SEH1L: variants seen among roughly 807,000 people sequenced by gnomAD.
The protein encoded by SEH1L is nucleoporin SEH1.
SEH1L carries 18 observed loss-of-function variants against 49.5 expected under a neutral mutation model. The ratio of observed to expected loss-of-function variants is 0.36; its 90% CI spans 0.25 to 0.54. The LOEUF (loss-of-function observed/expected upper bound fraction) is 0.54. SEH1L is among the 20% of genes least tolerant of loss of function. The pLI, the probability that SEH1L is intolerant of heterozygous loss-of-function variation, is 0.87. For synonymous variants in SEH1L, 169 were observed against 178.1 expected (o/e 0.95, Z 0.41); for missense variants, 404 against 528.8 (o/e 0.76, Z 2.31).
At chr18:12,948,847 T>C (rs1000683060) in intron 1 of SEH1L, 1 of 150,440 alleles carries the variant, frequency 6.6e-6, no homozygotes, top group South Asian at 2.1e-4. Context: ...GAATTTCTTT[T>C]CTTTTTTTTT....
At chr18:12,975,617 G>A in intron 5 of SEH1L, 1 of 759,732 alleles carries the variant, frequency 1.3e-6, no homozygotes. Flanking sequence ...GGAGGGGCAG[G>A]CCAACAGGCC....
intron 4 of SEH1L, 80 bp from the exon 5 acceptor site, chr18:12,971,073 C>A: frequency 2.1e-6 from 2 of 969,098 alleles, no homozygotes; most frequent in Non-Finnish European, 3.3e-6. Context: ...TGGTTGTCTG[C>A]TTGCCTCCAG....
rs190397220 is a variant in SEH1L, at chr18:12,981,731, G to A, written c.762-787G>A. Among the ~76,000 whole-genome samples the A allele has an allele frequency of 4.5e-3, 686 of 152,012 alleles. 6 individuals carry two copies. Among genetic ancestry groups the A allele is most frequent in the African/African-American group, 0.015 (632 of 41,456 alleles). On this transcript the variant is annotated intron_variant, in intron 6 of 8. Coordinates refer to ENST00000399892, the MANE Select transcript of SEH1L (RefSeq NM_001013437.2). ...AATGACAAGTGGCAGTCTATTTAGG[G>A]AAAACTAAATTAGTATTGAGACAGT...
intron 3 of SEH1L, 102 bp downstream of exon 3, chr18:12,955,711 C>T (rs995591696): frequency 1.7e-6 from 2 of 1,185,332 alleles, no homozygotes; most frequent in Non-Finnish European, 2.4e-6. Context: ...TCACCACTCC[C>T]CTCTAGTTTT....
chr18:12,956,321 C>T lies in SEH1L; in HGVS notation c.309+712C>T, dbSNP rs551818761. On this transcript the variant is annotated intron_variant, in intron 3 of 8. Coordinates refer to ENST00000399892, the MANE Select transcript of SEH1L (RefSeq NM_001013437.2). Reference sequence around the variant, plus strand: ...CCTCCCAAAGTGCTGGGATTACAGGCGTGAGCCACCACGCCTGGCCAAGGG... The same window carrying T: ...CCTCCCAAAGTGCTGGGATTACAGGTGTGAGCCACCACGCCTGGCCAAGGG... 5.9e-5 allele frequency among the ~76,000 whole-genome samples: 9 copies of T among 151,986 alleles called. No homozygotes were observed. In the South Asian group the frequency reaches 1.9e-3, roughly 32 times the overall value.
intron 4 of SEH1L, among the ~76,000 whole-genome samples, chr18:12,967,401 A>T (rs1345572748): frequency 6.6e-6 from 1 of 152,238 alleles, no homozygotes; most frequent in African/African-American, 2.4e-5. Context: ...TATGTTTAGG[A>T]ACACCAGACA....
chr18:12,970,999 T>C (rs1320112938), intron 4 of SEH1L, among the ~76,000 whole-genome samples, 154 bp from the exon 5 acceptor site: 1 of 152,216 alleles, frequency 6.6e-6, no homozygotes, highest in Non-Finnish European at 1.5e-5. Context: ...ACTTGCAGTG[T>C]GGCCATGTCA....
intron 8 of SEH1L, chr18:12,986,225 T>C (rs1419531455): frequency 1.6e-5 from 16 of 985,278 alleles, no homozygotes; most frequent in Non-Finnish European, 1.9e-5. Context: ...TTAAGTTTGC[T>C]AATATGCGTA....
intron 5 of SEH1L, chr18:12,973,164 C>A (rs2031774130): frequency 6.6e-6 from 1 of 152,256 alleles, no homozygotes; most frequent in Middle Eastern, 3.4e-3. Context: ...ATCAAAATTG[C>A]ACCACTTCAC....
At chr18:12,985,426 T>G in intron 8 of SEH1L, 1 of 1,335,180 alleles carries the variant, frequency 7.5e-7, no homozygotes, top group Non-Finnish European at 9.6e-7. Context: ...CAGTGTATAT[T>G]TTTTGTACTA....
intron 2 of SEH1L, among the ~76,000 whole-genome samples, chr18:12,955,152 A>G (rs1190136837): frequency 2.6e-5 from 4 of 151,202 alleles, no homozygotes; most frequent in Non-Finnish European, 5.9e-5. Context: ...CAACTCTCCA[A>G]CTATCAGCAC....
rs75038521 is a variant in SEH1L at position 12,975,437 on chromosome 18, G to C, written c.621-3315G>C. Reference sequence around the variant, plus strand: ...TATGGATGAGGATGGTCACCTGCTAGAGATGGCAGCACATACCTGCCTGGT... The same window carrying C: ...TATGGATGAGGATGGTCACCTGCTACAGATGGCAGCACATACCTGCCTGGT... On this transcript the variant is annotated intron_variant, in intron 5 of 8. Coordinates refer to ENST00000399892, the MANE Select transcript of SEH1L (RefSeq NM_001013437.2). Among the ~76,000 whole-genome samples, 793 of 152,194 alleles carry C rather than the reference G, an allele frequency of 5.2e-3. 24 individuals are homozygous for C. In the East Asian group the frequency reaches 0.096, roughly 18 times the overall value.
chr18:12,968,357 A>G (rs1310259599), intron 4 of SEH1L, among the ~76,000 whole-genome samples: 1 of 152,202 alleles, frequency 6.6e-6, no homozygotes, highest in African/African-American at 2.4e-5. Flanking sequence ...GTTGAGCACG[A>G]TGAACCATTG....
At chr18:12,957,897 T>A (rs571910014) in intron 3 of SEH1L, among the ~76,000 whole-genome samples, 4 of 151,858 alleles carry the variant, frequency 2.6e-5, no homozygotes, top group African/African-American at 9.7e-5. Context: ...TTTGTAGAGA[T>A]GGGGTTTCAC....
intron 6 of SEH1L, among the ~76,000 whole-genome samples, chr18:12,980,103 C>T: frequency 1.6e-5 from 2 of 123,098 alleles, no homozygotes; most frequent in African/African-American, 3.1e-5. Context: ...CCACCTCCCT[C>T]CCGGACAGGG....
At chr18:12,982,435 G>A (rs1403931180) in intron 6 of SEH1L, 83 bp from the exon 7 acceptor site, 10 of 936,834 alleles carry the variant, frequency 1.1e-5, no homozygotes, top group East Asian at 8.2e-5. Flanking sequence ...AGAATTTTAC[G>A]TGTGTATATA....
At chr18:12,963,569 CAT>C (rs1315571534) in intron 4 of SEH1L, among the ~76,000 whole-genome samples, 198 bp downstream of exon 4, 1 of 152,220 alleles carries the variant, frequency 6.6e-6, no homozygotes, top group Non-Finnish European at 1.5e-5. Context: ...TAAATATTTT[CAT>C]GTGAACCTTT....
intron 3 of SEH1L, among the ~76,000 whole-genome samples, chr18:12,958,938 C>T (rs1292301746): frequency 1.3e-5 from 2 of 152,184 alleles, no homozygotes; most frequent in African/African-American, 4.8e-5. Flanking sequence ...TTTTCCATAG[C>T]AGCTACACCA....
At chr18:12,983,404 T>A (rs2032347297) in intron 7 of SEH1L, among the ~76,000 whole-genome samples, 1 of 152,240 alleles carries the variant, frequency 6.6e-6, no homozygotes, top group Non-Finnish European at 1.5e-5. Flanking sequence ...GCCCAGACCT[T>A]CCTTTCCTCA....
Sources: gnomAD v4.1 joint callset for allele counts (sites outside exome capture counted in the v4.1 genomes callset) on GRCh38, gnomAD v4.1.1 for gene constraint, MANE v1.5 for transcripts, NCBI Gene and HGNC (gene_info 2026-07-23, HGNC 2026-07-21) for gene names.